MTHFD1L: variants seen among roughly 807,000 people sequenced by gnomAD.
MTHFD1L encodes the protein monofunctional C1-tetrahydrofolate synthase, mitochondrial.
In MTHFD1L, 81 loss-of-function variants were observed where a neutral mutation model predicts 119.5. The ratio of observed to expected loss-of-function variants is 0.68; its 90% CI spans 0.57 to 0.82. MTHFD1L has a LOEUF of 0.82. Ranked by LOEUF, MTHFD1L falls within the 40% of genes least tolerant of loss-of-function variation. MTHFD1L has a pLI of 0.00. For synonymous variants in MTHFD1L, 430 were observed against 475.2 expected, an observed-to-expected ratio of 0.90 and a Z score of 1.24; for missense variants, 1,125 against 1,253.4, an observed-to-expected ratio of 0.90 and a Z score of 1.55.
chr6:150,937,003 GA>G lies in MTHFD1L; in HGVS notation c.1393+65del, dbSNP rs1792179711. On this transcript the variant is annotated intron_variant, in intron 12 of 27. Coordinates refer to ENST00000367321, the MANE Select transcript of MTHFD1L (RefSeq NM_015440.5). ...AGTTGGGGGGAGAGAATTGTAAAAAGAACATTGTCAACAGATAAAGAGTTAA... is the reference window on the plus strand; with the variant it reads ...AGTTGGGGGGAGAGAATTGTAAAAAGACATTGTCAACAGATAAAGAGTTAA... 3 of 1,573,846 alleles carry G rather than the reference GA, an allele frequency of 1.9e-6. No homozygotes were observed. The East Asian group carries it at 6.8e-5, about 35-fold the overall frequency.
intron 20 of MTHFD1L, among the ~76,000 whole-genome samples, chr6:150,987,853 A>G (rs1778521688): frequency 6.6e-6 from 1 of 152,220 alleles, no homozygotes; most frequent in African/African-American, 2.4e-5. Flanking sequence ...ACACAGGCAT[A>G]TTTTCCATGT....
At chr6:150,997,187 C>T (rs1272561536) in intron 20 of MTHFD1L, among the ~76,000 whole-genome samples, 1 of 152,188 alleles carries the variant, frequency 6.6e-6, no homozygotes, top group Non-Finnish European at 1.5e-5. Flanking sequence ...GGACCAAGAC[C>T]TGTCTTTCCT....
chr6:150,912,943 A>G (rs755750675), intron 8 of MTHFD1L: 6 of 166,254 alleles, frequency 3.6e-5, no homozygotes, highest in Non-Finnish European at 5.3e-5. Flanking sequence ...TTAAAAATGT[A>G]TGTCTGATTC....
intron 20 of MTHFD1L, among the ~76,000 whole-genome samples, chr6:150,984,772 ATCTG>A (rs1255579735): frequency 6.6e-6 from 1 of 152,214 alleles, no homozygotes. Flanking sequence ...ACATCTTACA[ATCTG>A]TCTTTCAAAG....
At chr6:151,052,796 G>T (rs1397168324) in intron 26 of MTHFD1L, among the ~76,000 whole-genome samples, 1 of 152,156 alleles carries the variant, frequency 6.6e-6, no homozygotes, top group Non-Finnish European at 1.5e-5. Flanking sequence ...ACTCTTTAAT[G>T]CAGAAAAGCA....
At chr6:150,898,142 C>A (rs1366539598) in intron 7 of MTHFD1L, among the ~76,000 whole-genome samples, 1 of 152,176 alleles carries the variant, frequency 6.6e-6, no homozygotes, top group African/African-American at 2.4e-5. Flanking sequence ...CCGCGCCTGG[C>A]CAGTATTAGA....
intron 20 of MTHFD1L, among the ~76,000 whole-genome samples, chr6:151,007,860 T>C (rs1268894364): frequency 6.6e-6 from 1 of 152,264 alleles, no homozygotes; most frequent in Admixed American, 6.5e-5. Context: ...CCAAATACTA[T>C]ATAAAGAGGA....
intron 7 of MTHFD1L, among the ~76,000 whole-genome samples, chr6:150,904,567 A>C (rs1785577959): frequency 6.6e-6 from 1 of 152,152 alleles, no homozygotes; most frequent in African/African-American, 2.4e-5. Flanking sequence ...TGACCTGTAC[A>C]ATTATAGCTA....
intron 11 of MTHFD1L, among the ~76,000 whole-genome samples, chr6:150,927,963 A>G (rs1285221153): frequency 6.6e-6 from 1 of 152,154 alleles, no homozygotes; most frequent in Non-Finnish European, 1.5e-5. Flanking sequence ...GATGTTCCAC[A>G]ACTTACTTGA....
At chr6:151,000,353 G>GA (rs1253437925) in intron 20 of MTHFD1L, among the ~76,000 whole-genome samples, 2 of 144,544 alleles carry the variant, frequency 1.4e-5, no homozygotes, top group Non-Finnish European at 3.0e-5. Flanking sequence ...AAAAAAAAAA[G>GA]AAAAAAATTG....
chr6:151,069,398 C>T (rs1383713750), intron 26 of MTHFD1L, among the ~76,000 whole-genome samples: 1 of 152,060 alleles, frequency 6.6e-6, no homozygotes, highest in African/African-American at 2.4e-5. Context: ...GGCCAGAGGG[C>T]CTCTGGATGC....
chr6:150,961,187 G>A (rs985059343), intron 18 of MTHFD1L, among the ~76,000 whole-genome samples: 2 of 148,802 alleles, frequency 1.3e-5, no homozygotes, highest in East Asian at 2.0e-4. Flanking sequence ...CCTGCCTCCC[G>A]GATTCAAGCG....
chr6:151,043,941 G>T (rs575200378), intron 26 of MTHFD1L, among the ~76,000 whole-genome samples: 1,758 of 152,262 alleles, frequency 0.012, 26 homozygotes, highest in African/African-American at 0.039. Context: ...ATTTAATGAG[G>T]AAAAAGAAAC....
intron 11 of MTHFD1L, chr6:150,934,939 C>A (rs1407001939): frequency 1.3e-6 from 2 of 1,518,432 alleles, no homozygotes; most frequent in East Asian, 4.6e-5. Flanking sequence ...AAAAGCATTT[C>A]AATTTGGGAC....
chr6:151,004,570 A>C (rs1370434338), intron 20 of MTHFD1L, among the ~76,000 whole-genome samples: 2 of 152,178 alleles, frequency 1.3e-5, no homozygotes, highest in Non-Finnish European at 2.9e-5. Context: ...ATGATCATGG[A>C]AAGGCAGCTG....
Position 150,960,493 on chromosome 6 carries a change from C to T in MTHFD1L, c.1944+78C>T. ...TTACCAGAAAAAGAAAGGTTTTCTT[C>T]CTTTTATCAGTGAGTGTAATGAGGA... On this transcript the variant is annotated intron_variant, in intron 18 of 27. Transcript: ENST00000367321. The T allele has an allele frequency of 4.7e-6, 7 of 1,494,992 alleles. No individual in the cohort carries two copies. The South Asian group carries it at 9.3e-5, about 20-fold the overall frequency. 92.6% of individuals were successfully genotyped at this position (1,494,992 alleles called of 1,614,324 possible).
intron 20 of MTHFD1L, among the ~76,000 whole-genome samples, chr6:150,999,847 A>G (rs1027297412): frequency 6.6e-6 from 1 of 152,162 alleles, no homozygotes; most frequent in Non-Finnish European, 1.5e-5. Flanking sequence ...GGTATTTTCA[A>G]AGCTTTTACT....
chr6:150,956,220 G>A, intron 17 of MTHFD1L, 149 bp downstream of exon 17: 1 of 695,926 alleles, frequency 1.4e-6, no homozygotes, highest in Non-Finnish European at 2.5e-6. Context: ...AGGGCTGGGA[G>A]AGGATCAGAA....
At chr6:150,914,319 T>C (rs911608875) in intron 8 of MTHFD1L, among the ~76,000 whole-genome samples, 5 of 152,028 alleles carry the variant, frequency 3.3e-5, no homozygotes, top group Admixed American at 2.6e-4. Flanking sequence ...TTTTAATTAC[T>C]TGTAATTTTA....
Sources: gnomAD v4.1 joint callset for allele counts (sites outside exome capture counted in the v4.1 genomes callset) on GRCh38, gnomAD v4.1.1 for gene constraint, MANE v1.5 for transcripts, NCBI Gene and HGNC (gene_info 2026-07-23, HGNC 2026-07-21) for gene names.